Variants in SLC6A15 observed in about 807,000 individuals in gnomAD.
The protein encoded by SLC6A15 is solute carrier family 6 member 15.
Under a neutral mutation model 68.5 loss-of-function variants are expected in SLC6A15, and 33 were observed. That is an observed-to-expected ratio of 0.48 (90% CI 0.37 to 0.64). The LOEUF is 0.64. SLC6A15 is among the 30% of genes least tolerant of loss of function. The probability of loss-of-function intolerance (pLI) is 0.00; values close to 1 mark genes in which losing one functional copy is unlikely to be tolerated. For synonymous variants in SLC6A15, 347 were observed against 301.0 expected (o/e 1.15, Z -1.58); for missense variants, 747 against 874.3 (o/e 0.85, Z 1.84).
chr12:84,911,596 A>G (rs1186034231), intron 1 of SLC6A15, among the ~76,000 whole-genome samples: 2 of 152,200 alleles, frequency 1.3e-5, no homozygotes, highest in African/African-American at 4.8e-5. Flanking sequence ...CCGTTCCCGC[A>G]GCCTGTGCCA....
intron 5 of SLC6A15, chr12:84,881,575 A>T: frequency 1.0e-6 from 1 of 985,394 alleles, no homozygotes; most frequent in Non-Finnish European, 1.2e-6. Context: ...CTTTTAATTC[A>T]TGCAGTTTCC....
chr12:84,875,220 A>C (rs1871465730), intron 6 of SLC6A15, among the ~76,000 whole-genome samples: 1 of 151,800 alleles, frequency 6.6e-6, no homozygotes, highest in African/African-American at 2.4e-5. Context: ...ACATATAAGT[A>C]TTTTTGGTCA....
intron 1 of SLC6A15, among the ~76,000 whole-genome samples, chr12:84,904,082 G>C (rs1873013387): frequency 1.3e-5 from 2 of 151,984 alleles, no homozygotes; most frequent in South Asian, 2.1e-4. Context: ...AACTATGCAA[G>C]TTCCAAGGCT....
chr12:84,885,403 A>C (rs775462851), intron 4 of SLC6A15, 32 bp downstream of exon 4: 1 of 1,549,864 alleles, frequency 6.5e-7, no homozygotes, highest in Non-Finnish European at 8.7e-7. Flanking sequence ...ATAATGCTTA[A>C]ATACCAAAAC....
At chr12:84,885,627 T>A in intron 3 of SLC6A15, 66 bp from the exon 4 acceptor site, 1 of 1,444,150 alleles carries the variant, frequency 6.9e-7, no homozygotes, top group Non-Finnish European at 9.4e-7. Flanking sequence ...TGAGATCAAA[T>A]GCATAAAATT....
rs976140952 is a variant in SLC6A15, at chr12:84,861,162, A to G, written c.*470T>C. The G allele has an allele frequency of 6.5e-6, 1 of 152,892 alleles. No individual in the cohort carries two copies. The highest frequency in any genetic ancestry group is 2.4e-5 in the African/African-American group (1 of 41,472). The allele number at this position is 152,892 out of a possible 1,614,324, so 9.5% of individuals were successfully genotyped here. A position where few individuals can be genotyped will look rare whatever the true frequency, so the allele number is the denominator to read the frequency against. Reference sequence around the variant, plus strand: ...AGGTGTCAATGCTACCAAAATCAATACAGCCTATCTACATAATATATTCAT... The same window carrying G: ...AGGTGTCAATGCTACCAAAATCAATGCAGCCTATCTACATAATATATTCAT... On this transcript the variant is annotated 3_prime_UTR_variant, in exon 12 of 12. Coordinates refer to ENST00000266682, the MANE Select transcript of SLC6A15 (RefSeq NM_182767.6).
chr12:84,873,750 TGTTAATCTAATG>T (rs1235937636), intron 6 of SLC6A15, among the ~76,000 whole-genome samples: 4 of 152,238 alleles, frequency 2.6e-5, no homozygotes, highest in Non-Finnish European at 5.9e-5. Context: ...TGTTTTCTGC[TGTTAATCTAATG>T]GTCGAAGCAG....
At chr12:84,901,877 ATTAT>A (rs1872899074) in intron 1 of SLC6A15, among the ~76,000 whole-genome samples, 1 of 151,918 alleles carries the variant, frequency 6.6e-6, no homozygotes, top group South Asian at 2.1e-4. Flanking sequence ...GAAATGTTTA[ATTAT>A]TTATAGATTC....
rs370457657 is a variant in SLC6A15, at chr12:84,904,224, G to GGAGAGAGAGAGAGAGAGAGAGAGA, written c.-189+8275_-189+8298dup. ...AGAGAAAGGGGGGAGGGGCGGAGGG[G>GGAGAGAGAGAGAGAGAGAGAGAGA]GAGAGAGAGAGAGAGAGAGAGAGAG... On this transcript the variant is annotated intron_variant, in intron 1 of 11. Coordinates refer to ENST00000266682, the MANE Select transcript of SLC6A15 (RefSeq NM_182767.6). 1.4e-3 allele frequency among the ~76,000 whole-genome samples: 173 copies of GGAGAGAGAGAGAGAGAGAGAGAGA among 121,990 alleles called. 4 individuals carry two copies. Among genetic ancestry groups the GGAGAGAGAGAGAGAGAGAGAGAGA allele is most frequent in the African/African-American group, 5.1e-3 (142 of 27,934 alleles). The allele number at this position is 121,990 out of a possible 152,430, so 80.0% of individuals were successfully genotyped here.
chr12:84,870,239 T>G (rs1871227814), intron 9 of SLC6A15, among the ~76,000 whole-genome samples: 1 of 150,416 alleles, frequency 6.6e-6, no homozygotes, highest in African/African-American at 2.4e-5. Context: ...AATAAATATT[T>G]ATTATAAATG....
chr12:84,863,500 A>G lies in SLC6A15; in HGVS notation c.1757T>C (p.Ile586Thr), dbSNP rs1870937176. Residue 586 changes from isoleucine to threonine, a missense_variant, in exon 11 of 12, where the codon ATA (isoleucine) becomes ACA (threonine). Coordinates refer to ENST00000266682, the MANE Select transcript of SLC6A15 (RefSeq NM_182767.6). ...TAATCCCATATTCACAACACTAGCT[A>G]TTAGCAATGATAATAGCATTAGAGG... ...ISPLMLLSLL[I>T]ASVVNMGLSP... 1.9e-6 allele frequency: 3 copies of G among 1,596,226 alleles called. No homozygotes were observed. Among genetic ancestry groups the G allele is most frequent in the Non-Finnish European group, 2.6e-6 (3 of 1,173,040 alleles).
At chr12:84,880,871 T>C (rs1473329408) in intron 5 of SLC6A15, 1 of 968,940 alleles carries the variant, frequency 1.0e-6, no homozygotes, top group African/African-American at 1.8e-5. Context: ...AAATGTTTAT[T>C]ATAAACATAC....
At chr12:84,871,073 T>C (rs1220044820) in intron 8 of SLC6A15, among the ~76,000 whole-genome samples, 1 of 151,808 alleles carries the variant, frequency 6.6e-6, no homozygotes, top group Non-Finnish European at 1.5e-5. Flanking sequence ...TTCTGGCTCA[T>C]ATATAAAGAT....
rs202162352 is a variant in SLC6A15 at position 84,867,012 on chromosome 12, A to G, written c.1655+22T>C. The G allele has an allele frequency of 5.4e-5, 81 of 1,512,366 alleles. No homozygotes were observed. In the East Asian group the frequency reaches 1.9e-3, roughly 35 times the overall value. 93.7% of individuals were successfully genotyped at this position (1,512,366 alleles called of 1,614,324 possible). A position where few individuals can be genotyped will look rare whatever the true frequency, so the allele number is the denominator to read the frequency against. On this transcript the variant is annotated intron_variant, in intron 10 of 11. Transcript: ENST00000266682. The stretch of plus-strand genomic sequence containing the variant: ...TTCAAACTAGAGATTAAAAGTGAAT[A>G]CATAAAAGCAAATATACTTACTTAT...
chr12:84,870,280 A>G (rs1346119146), intron 9 of SLC6A15, among the ~76,000 whole-genome samples, 198 bp downstream of exon 9: 1 of 150,080 alleles, frequency 6.7e-6, no homozygotes, highest in Non-Finnish European at 1.5e-5. Context: ...AAACATCCAT[A>G]TTATATTATA....
chr12:84,879,458 T>G (rs1871719552), intron 5 of SLC6A15, among the ~76,000 whole-genome samples: 2 of 151,806 alleles, frequency 1.3e-5, no homozygotes, highest in African/African-American at 4.8e-5. Flanking sequence ...CCCGAGTAGC[T>G]GGGATTACAG....
chr12:84,891,004 GTTAAA>G (rs1022700345), intron 2 of SLC6A15, among the ~76,000 whole-genome samples: 7 of 152,068 alleles, frequency 4.6e-5, no homozygotes, highest in Admixed American at 2.0e-4. Context: ...TCCAATGTTA[GTTAAA>G]TTAAATTCAG....
rs762779676 is a variant in SLC6A15, at chr12:84,861,925, G to A, written c.1900C>T (p.Pro634Ser). 1.2e-6 allele frequency: 2 copies of A among 1,613,808 alleles called. No individual in the cohort carries two copies. The highest frequency in any genetic ancestry group is 1.7e-6 in the Non-Finnish European group (2 of 1,179,868). ...AAGCGACGAACAATGAAAACTACAG[G>A]GACTGGGAGTATTGCAAAGACAACC... ...SLVVFAILPV[P>S]VVFIVRRFNL... Residue 634 changes from proline (P) to serine (S), a missense_variant, in exon 12 of 12, where the codon CCT becomes TCT. Coordinates refer to ENST00000266682, the MANE Select transcript of SLC6A15 (RefSeq NM_182767.6).
chr12:84,879,956 T>C (rs1259129438), intron 5 of SLC6A15, among the ~76,000 whole-genome samples: 1 of 152,192 alleles, frequency 6.6e-6, no homozygotes, highest in Non-Finnish European at 1.5e-5. Context: ...AAGCTTATGG[T>C]TATTCTGCAG....
Sources: gnomAD v4.1 joint callset for allele counts (sites outside exome capture counted in the v4.1 genomes callset) on GRCh38, gnomAD v4.1.1 for gene constraint, MANE v1.5 for transcripts, NCBI Gene and HGNC (gene_info 2026-07-23, HGNC 2026-07-21) for gene names.